Variants in SYTL2 observed in about 807,000 individuals in gnomAD.
SYTL2 encodes synaptotagmin-like protein 2.
A neutral mutation model predicts 198.7 loss-of-function variants in SYTL2; 165 were observed. The observed-to-expected ratio is 0.83, with a 90% CI of 0.73 to 0.94. The LOEUF is 0.94. SYTL2 is among the 40% of genes least tolerant of loss of function. The pLI is 0.00. For synonymous variants in SYTL2, 966 were observed against 917.7 expected (o/e 1.05, Z -0.95); for missense variants, 2,835 against 2,582.8 (o/e 1.10, Z -2.12).
chr11:85,730,114 CA>C (rs1159347867), intron 7 of SYTL2, among the ~76,000 whole-genome samples: 1 of 152,048 alleles, frequency 6.6e-6, no homozygotes, highest in East Asian at 1.9e-4. Flanking sequence ...GCCTAGCAAC[CA>C]AAAAAAGTCC....
chr11:85,740,544 A>T (rs2090707339), intron 4 of SYTL2, among the ~76,000 whole-genome samples: 1 of 152,238 alleles, frequency 6.6e-6, no homozygotes, highest in African/African-American at 2.4e-5. Context: ...GAGAATACAG[A>T]ATAGAGCCAG....
chr11:85,848,461 A>AT, the SYTL2 span, among the ~76,000 whole-genome samples: 1 of 150,524 alleles, frequency 6.6e-6, no homozygotes. Flanking sequence ...TTTTGAGTTA[A>AT]TTTTTTGTAT....
At chr11:85,842,933 TATC>T in the SYTL2 span, among the ~76,000 whole-genome samples, 1 of 152,148 alleles carries the variant, frequency 6.6e-6, no homozygotes, top group Non-Finnish European at 1.5e-5. Context: ...GCTCAACAAA[TATC>T]ATCCAAAATA....
chr11:85,772,154 C>T (rs2081424924), intron 1 of SYTL2, among the ~76,000 whole-genome samples: 1 of 152,168 alleles, frequency 6.6e-6, no homozygotes, highest in Admixed American at 6.5e-5. Context: ...CTCGCCTTGG[C>T]CTCCCAAAGT....
chr11:85,817,442 G>C, the SYTL2 span, among the ~76,000 whole-genome samples: 1 of 152,062 alleles, frequency 6.6e-6, no homozygotes, highest in Non-Finnish European at 1.5e-5. Flanking sequence ...ATTTTGTATT[G>C]ATTACATGTT....
intron 1 of SYTL2, among the ~76,000 whole-genome samples, chr11:85,781,608 C>A (rs1343502393): frequency 6.6e-6 from 1 of 152,150 alleles, no homozygotes; most frequent in Non-Finnish European, 1.5e-5. Context: ...CCTGTAAAAT[C>A]AAAAGGAAGT....
At chr11:85,847,752 G>T in the SYTL2 span, among the ~76,000 whole-genome samples, 1,345 of 152,226 alleles carry the variant, frequency 8.8e-3, 22 homozygotes, top group African/African-American at 0.032. Flanking sequence ...TGTGCCAATT[G>T]GCCATGAATA....
At chr11:85,761,810 G>A (rs569222344) in intron 1 of SYTL2, among the ~76,000 whole-genome samples, 30 of 152,168 alleles carry the variant, frequency 2.0e-4, no homozygotes, top group South Asian at 8.3e-4. Context: ...AGGCGCCCAC[G>A]ACCATGCCCA....
chr11:85,750,965 C>G (rs1454241937), intron 2 of SYTL2, among the ~76,000 whole-genome samples: 1 of 152,162 alleles, frequency 6.6e-6, no homozygotes, highest in Non-Finnish European at 1.5e-5. Context: ...AACTAAAATG[C>G]ACTTTGTGGG....
intron 16 of SYTL2, among the ~76,000 whole-genome samples, chr11:85,702,474 C>T (rs751254486): frequency 1.5e-4 from 23 of 152,118 alleles, no homozygotes; most frequent in Non-Finnish European, 1.2e-4. Flanking sequence ...TGAGAGCCAC[C>T]GCACCCAGCC....
the SYTL2 span, among the ~76,000 whole-genome samples, chr11:85,840,338 G>A: frequency 1.3e-5 from 2 of 152,206 alleles, no homozygotes; most frequent in East Asian, 3.9e-4. Flanking sequence ...TGTGCTTGTG[G>A]GGTATTACTC....
At chr11:85,737,174 C>T (rs1051854133) in intron 5 of SYTL2, among the ~76,000 whole-genome samples, 8 of 152,130 alleles carry the variant, frequency 5.3e-5, no homozygotes, top group African/African-American at 1.9e-4. Flanking sequence ...ACAATGTTTA[C>T]TGTCTATAGT....
chr11:85,837,657 C>T, the SYTL2 span, among the ~76,000 whole-genome samples: 1 of 152,182 alleles, frequency 6.6e-6, no homozygotes, highest in Non-Finnish European at 1.5e-5. Context: ...CTAGTGACAG[C>T]AGAACCAGGG....
chr11:85,832,467 T>C, the SYTL2 span, among the ~76,000 whole-genome samples: 1 of 152,204 alleles, frequency 6.6e-6, no homozygotes, highest in Non-Finnish European at 1.5e-5. Flanking sequence ...GCAGTGAAAG[T>C]TGTTGACAAA....
chr11:85,847,477 G>C, the SYTL2 span, among the ~76,000 whole-genome samples: 1 of 151,514 alleles, frequency 6.6e-6, no homozygotes, highest in Admixed American at 6.6e-5. Context: ...CATTTGTCTT[G>C]AATAAATATC....
the SYTL2 span, among the ~76,000 whole-genome samples, chr11:85,832,232 A>C: frequency 1.3e-5 from 2 of 152,290 alleles, no homozygotes; most frequent in South Asian, 2.1e-4. Flanking sequence ...TGGGTACATC[A>C]TTTGTTACCC....
the SYTL2 span, among the ~76,000 whole-genome samples, chr11:85,829,011 G>A: frequency 6.6e-6 from 1 of 151,404 alleles, no homozygotes; most frequent in Non-Finnish European, 1.5e-5. Context: ...AAGGTAAGAA[G>A]ACAGGATACT....
intron 2 of SYTL2, among the ~76,000 whole-genome samples, chr11:85,756,637 A>C (rs959570978): frequency 1.3e-5 from 2 of 152,214 alleles, no homozygotes; most frequent in Non-Finnish European, 2.9e-5. Flanking sequence ...GCTCATAAAA[A>C]ATAATGGGCA....
intron 1 of SYTL2, among the ~76,000 whole-genome samples, chr11:85,786,212 T>A (rs181996772): frequency 6.6e-6 from 1 of 152,080 alleles, no homozygotes; most frequent in African/African-American, 2.4e-5. Context: ...ATTATAGAAA[T>A]GAAGAACAGA....
Sources: allele counts gnomAD v4.1 joint callset (sites outside exome capture counted in the v4.1 genomes callset), GRCh38; gene constraint gnomAD v4.1.1; transcripts MANE v1.5; gene names NCBI Gene and HGNC (gene_info 2026-07-23, HGNC 2026-07-21).